Variants in DYNC2I2 observed in about 807,000 individuals in gnomAD.
The protein encoded by DYNC2I2 is cytoplasmic dynein 2 intermediate chain 2.
In DYNC2I2, 39 loss-of-function variants were observed where a neutral mutation model predicts 52.0. The observed-to-expected ratio is 0.75, with a 90% CI of 0.58 to 0.98. DYNC2I2 has a LOEUF of 0.98. DYNC2I2 is among the 50% of genes least tolerant of loss of function. The pLI is 0.00. For synonymous variants in DYNC2I2, 359 were observed against 321.1 expected, an observed-to-expected ratio of 1.12 and a Z score of -1.26; for missense variants, 743 against 728.4, an observed-to-expected ratio of 1.02 and a Z score of -0.23.
the DYNC2I2 span, among the ~76,000 whole-genome samples, chr9:128,675,376 C>A: frequency 3.9e-5 from 6 of 151,982 alleles, no homozygotes; most frequent in Admixed American, 3.9e-4. Context: ...GAGGTTTCAC[C>A]ATGTTGGCCA....
chr9:128,635,516 G>C (rs1249349310), intron 5 of DYNC2I2, 142 bp downstream of exon 5: 2 of 839,456 alleles, frequency 2.4e-6, no homozygotes, highest in African/African-American at 3.4e-5. Context: ...TCCTGAGGGG[G>C]GTGACTCATG....
chr9:128,659,849 A>C (rs1314049167), upstream of DYNC2I2, among the ~76,000 whole-genome samples: 2 of 151,340 alleles, frequency 1.3e-5, no homozygotes. Flanking sequence ...TGGAAGTGGC[A>C]GTGAGGCAAG....
intron 2 of DYNC2I2, among the ~76,000 whole-genome samples, chr9:128,638,772 G>C (rs1317638708): frequency 6.6e-6 from 1 of 152,136 alleles, no homozygotes; most frequent in African/African-American, 2.4e-5. Context: ...ACTCACTATA[G>C]CCAAAAAGGG....
chr9:128,648,464 C>T (rs1349014846), intron 1 of DYNC2I2, among the ~76,000 whole-genome samples: 4 of 151,782 alleles, frequency 2.6e-5, no homozygotes, highest in East Asian at 3.9e-4. Flanking sequence ...GGGCCGGGCC[C>T]GACCAAGCCA....
intron 1 of DYNC2I2, among the ~76,000 whole-genome samples, chr9:128,641,395 C>T (rs1042645135): frequency 1.3e-5 from 2 of 152,086 alleles, no homozygotes; most frequent in South Asian, 4.1e-4. Flanking sequence ...CCTCCCAGCA[C>T]CCGGGTAAGC....
chr9:128,669,295 G>A, the DYNC2I2 span, among the ~76,000 whole-genome samples: 2 of 152,132 alleles, frequency 1.3e-5, no homozygotes, highest in Non-Finnish European at 2.9e-5. Flanking sequence ...AACCTGGGAA[G>A]TGTAGCTTGC....
chr9:128,634,013 A>G, intron 8 of DYNC2I2, 31 bp from the exon 9 acceptor site: 1 of 1,610,756 alleles, frequency 6.2e-7, no homozygotes. Flanking sequence ...GTGGAGTAAG[A>G]GAAACTCTAG....
the DYNC2I2 span, chr9:128,683,840 C>G: frequency 2.1e-6 from 3 of 1,446,600 alleles, no homozygotes; most frequent in South Asian, 3.8e-5. Context: ...AGTGTTCAGC[C>G]TGCTTCCGGA....
chr9:128,661,388 G>A (rs1860916460), upstream of DYNC2I2, among the ~76,000 whole-genome samples: 1 of 151,700 alleles, frequency 6.6e-6, no homozygotes, highest in East Asian at 1.9e-4. Flanking sequence ...GGAGGCCGAG[G>A]TGGGCAGATC....
the DYNC2I2 span, among the ~76,000 whole-genome samples, chr9:128,674,339 T>C: frequency 6.6e-6 from 1 of 151,892 alleles, no homozygotes; most frequent in Non-Finnish European, 1.5e-5. Flanking sequence ...TTTCACCGTG[T>C]TAGCCAGGAT....
the DYNC2I2 span, among the ~76,000 whole-genome samples, chr9:128,667,745 T>C: frequency 1.3e-5 from 2 of 149,248 alleles, no homozygotes; most frequent in African/African-American, 5.0e-5. Flanking sequence ...AATTTTTTTT[T>C]TTTTTTGAGA....
At chr9:128,635,012 C>T in intron 6 of DYNC2I2, 80 bp downstream of exon 6, 2 of 1,583,504 alleles carry the variant, frequency 1.3e-6, no homozygotes, top group South Asian at 1.1e-5. Context: ...GAGATCACAG[C>T]AAGTCAGGCC....
the DYNC2I2 span, among the ~76,000 whole-genome samples, chr9:128,673,904 G>T: frequency 6.6e-6 from 1 of 150,680 alleles, no homozygotes; most frequent in Non-Finnish European, 1.5e-5. Flanking sequence ...AGCCTCCCAG[G>T]TTCAAGCAAT....
the DYNC2I2 span, among the ~76,000 whole-genome samples, chr9:128,668,063 C>T: frequency 0.02 from 3,002 of 147,656 alleles, 59 homozygotes; most frequent in Middle Eastern, 0.044. Context: ...CAGGTTCAAG[C>T]GATTCTCCTG....
At chr9:128,678,362 C>G in the DYNC2I2 span, among the ~76,000 whole-genome samples, 3 of 151,300 alleles carry the variant, frequency 2.0e-5, no homozygotes, top group Non-Finnish European at 4.4e-5. Context: ...GCCACCATGC[C>G]CAGCCTAATT....
chr9:128,644,284 T>TTG (rs1411633586), intron 1 of DYNC2I2, among the ~76,000 whole-genome samples: 1 of 151,092 alleles, frequency 6.6e-6, no homozygotes, highest in Non-Finnish European at 1.5e-5. Flanking sequence ...CCTTTTTTTT[T>TTG]TTTTGAGACA....
the DYNC2I2 span, among the ~76,000 whole-genome samples, chr9:128,684,289 G>A: frequency 2.6e-5 from 4 of 151,994 alleles, no homozygotes; most frequent in Non-Finnish European, 5.9e-5. Flanking sequence ...TCTTGGCAAG[G>A]GGCACTGCCA....
chr9:128,658,552 C>G (rs1860880348), upstream of DYNC2I2, among the ~76,000 whole-genome samples: 1 of 151,736 alleles, frequency 6.6e-6, no homozygotes, highest in Non-Finnish European at 1.5e-5. Context: ...ACCTCCACCT[C>G]CCAGGCTCAA....
intron 1 of DYNC2I2, among the ~76,000 whole-genome samples, chr9:128,645,771 G>A (rs912324137): frequency 5.3e-5 from 8 of 152,288 alleles, no homozygotes; most frequent in South Asian, 2.1e-4. Flanking sequence ...AGCTGAGACA[G>A]GCTGCAGCCA....
Sources: allele counts gnomAD v4.1 joint callset (sites outside exome capture counted in the v4.1 genomes callset), GRCh38; gene constraint gnomAD v4.1.1; transcripts MANE v1.5; gene names NCBI Gene and HGNC (gene_info 2026-07-23, HGNC 2026-07-21).